STON1: variants seen among roughly 807,000 people sequenced by gnomAD.
The protein encoded by STON1 is stonin-1.
STON1 carries 79 observed loss-of-function variants against 60.9 expected under a neutral mutation model. The ratio of observed to expected loss-of-function variants is 1.30; its 90% CI spans 1.08 to 1.56. The LOEUF is 1.56. STON1 is among the 40% of genes most tolerant of loss of function. The pLI, the probability that STON1 is intolerant of heterozygous loss-of-function variation, is 0.00. For synonymous variants in STON1, 363 were observed against 306.9 expected (o/e 1.18, Z -1.91); for missense variants, 1,166 against 858.9 (o/e 1.36, Z -4.47).
chr2:48,595,057 G>C (rs527888324), intron 3 of STON1, among the ~76,000 whole-genome samples, 171 bp from the exon 4 acceptor site: 20 of 152,294 alleles, frequency 1.3e-4, no homozygotes, highest in Non-Finnish European at 2.5e-4. Context: ...TTGTTCAAAA[G>C]GAGAGCAGAG....
At chr2:48,584,203 G>T (rs1674067854) in intron 2 of STON1, among the ~76,000 whole-genome samples, 1 of 152,122 alleles carries the variant, frequency 6.6e-6, no homozygotes, top group African/African-American at 2.4e-5. Flanking sequence ...GCCCCTCCAG[G>T]CTGTGGACTT....
chr2:48,582,125 C>A lies in STON1; in HGVS notation c.1492C>A (p.Gln498Lys), dbSNP rs199643800. Residue 498 changes from glutamine (Q) to lysine (K), a missense_variant, in exon 2 of 4, where the codon CAA (glutamine) becomes AAA (lysine). Physicochemically the swap from Gln to Lys is moderately conservative, Grantham distance 53. Transcript: ENST00000404752. ...GTGTGTGAATGTACAAGAATTTGAG[C>A]AATCAAGAATCATTAAGTTTGTACC... is the stretch of plus-strand genomic sequence containing the variant. ...HKCVNVQEFE[Q>K]SRIIKFVPLD... is the part of the protein sequence containing the mutation. 5 of 1,614,176 alleles carry A rather than the reference C, an allele frequency of 3.1e-6. No homozygotes were observed. The highest frequency in any genetic ancestry group is 4.2e-6 in the Non-Finnish European group (5 of 1,180,024).
At chr2:48,575,993 G>C (rs560304507) in intron 1 of STON1, among the ~76,000 whole-genome samples, 1 of 151,096 alleles carries the variant, frequency 6.6e-6, no homozygotes, top group South Asian at 2.1e-4. Context: ...CCTGGTCTTA[G>C]GTGATCCACC....
At chr2:48,539,378 C>T (rs1436400584) in intron 1 of STON1, among the ~76,000 whole-genome samples, 1 of 152,116 alleles carries the variant, frequency 6.6e-6, no homozygotes, top group Non-Finnish European at 1.5e-5. Context: ...TTTCTAGCTA[C>T]TTGAATTCAT....
At chr2:48,530,585 G>T (rs1386977360) in intron 1 of STON1, 1 of 153,866 alleles carries the variant, frequency 6.5e-6, no homozygotes, top group African/African-American at 2.4e-5. Context: ...CTCGGACCCG[G>T]GCCACCAGCT....
intron 1 of STON1, among the ~76,000 whole-genome samples, chr2:48,541,940 G>A (rs1671672776): frequency 6.6e-6 from 1 of 152,144 alleles, no homozygotes; most frequent in Non-Finnish European, 1.5e-5. Flanking sequence ...TCCCAACCAT[G>A]CTGCTCCAGT....
rs547451410 is a variant in STON1 at position 48,555,142 on chromosome 2, T to G, written c.-48+24926T>G. ...TGTCTACTTCTTTCTACACAGACAC[T>G]GCAACCATCCGATTTCTCAATCTTT... is the stretch of plus-strand genomic sequence containing the variant. On this transcript the variant is annotated intron_variant, in intron 1 of 3. Coordinates refer to ENST00000404752, the MANE Select transcript of STON1 (RefSeq NM_006873.4). Among the ~76,000 whole-genome samples, 10 of 85,270 alleles carry G rather than the reference T, an allele frequency of 1.2e-4. No individual in the cohort carries two copies. The South Asian group carries it at 4.6e-3, about 39-fold the overall frequency. The allele number at this position is 85,270 out of a possible 152,430, so 55.9% of individuals were successfully genotyped here. A position where few individuals can be genotyped will look rare whatever the true frequency, so the allele number is the denominator to read the frequency against.
At chr2:48,560,989 T>C (rs565975965) in intron 1 of STON1, among the ~76,000 whole-genome samples, 293 of 152,352 alleles carry the variant, frequency 1.9e-3, no homozygotes, top group African/African-American at 6.6e-3. Context: ...CACCTCCTGG[T>C]TTCACCTTAG....
At chr2:48,574,498 TTCATGGTA>T (rs1220933774) in intron 1 of STON1, among the ~76,000 whole-genome samples, 2 of 152,180 alleles carry the variant, frequency 1.3e-5, no homozygotes, top group African/African-American at 4.8e-5. Flanking sequence ...AAAGGGTGAA[TTCATGGTA>T]TAAGAATTAT....
At chr2:48,548,020 CTT>C in intron 1 of STON1, among the ~76,000 whole-genome samples, 2 of 152,320 alleles carry the variant, frequency 1.3e-5, no homozygotes, top group Middle Eastern at 6.8e-3. Context: ...ATAGCCCTTC[CTT>C]TTGTGAAATG....
chr2:48,534,964 C>G (rs1323353245), intron 1 of STON1, among the ~76,000 whole-genome samples: 2 of 152,114 alleles, frequency 1.3e-5, no homozygotes, highest in Non-Finnish European at 2.9e-5. Flanking sequence ...AAGAAGAATC[C>G]CGAATTCCAT....
intron 1 of STON1, among the ~76,000 whole-genome samples, chr2:48,558,008 A>T (rs906082642): frequency 1.3e-5 from 2 of 152,210 alleles, no homozygotes; most frequent in Non-Finnish European, 1.5e-5. Context: ...GGATCACCTG[A>T]GGTCGGGAGT....
chr2:48,582,310 T>A lies in STON1; in HGVS notation c.1677T>A (p.Ala559=), dbSNP rs771332334. The part of the protein sequence containing the change: ...MASLAQRSSY[A]GSLRSCDNIR... Reference sequence around the variant, plus strand: ...CATTGGCGCAGAGGTCATCCTATGCTGGTTCCTTAAGGTCCTGTGACAATA... The same window carrying A: ...CATTGGCGCAGAGGTCATCCTATGCAGGTTCCTTAAGGTCCTGTGACAATA... Residue 559 remains alanine (A), a synonymous_variant, in exon 2 of 4, where the codon GCT becomes GCA. Coordinates refer to ENST00000404752, the MANE Select transcript of STON1 (RefSeq NM_006873.4). 8 of 1,614,252 alleles carry A rather than the reference T, an allele frequency of 5.0e-6. No individual in the cohort carries two copies. The highest frequency in any genetic ancestry group is 5.9e-6 in the Non-Finnish European group (7 of 1,180,046).
At chr2:48,540,954 T>C (rs1339674808) in intron 1 of STON1, among the ~76,000 whole-genome samples, 5 of 152,154 alleles carry the variant, frequency 3.3e-5, no homozygotes, top group Non-Finnish European at 5.9e-5. Flanking sequence ...AAAACATGGT[T>C]AGAGAGTTTT....
At position 48,589,438 on chromosome 2, in the gene STON1, C is replaced by T. The variant is rs533128144; in HGVS notation, c.1931-2215C>T. ...ATTAATTGGTGAATTTGAAAATAATCTGTTAAGCCCCAAACATGACAGACA... is the reference window on the plus strand; with the variant it reads ...ATTAATTGGTGAATTTGAAAATAATTTGTTAAGCCCCAAACATGACAGACA... On this transcript the variant is annotated intron_variant, in intron 2 of 3. Coordinates refer to ENST00000404752, the MANE Select transcript of STON1 (RefSeq NM_006873.4). Among the ~76,000 whole-genome samples the T allele has an allele frequency of 4.8e-4, 73 of 152,300 alleles. 2 individuals carry two copies. The South Asian group carries it at 9.1e-3, about 19-fold the overall frequency.
intron 1 of STON1, among the ~76,000 whole-genome samples, chr2:48,550,154 A>T (rs1351534508): frequency 1.3e-5 from 2 of 152,108 alleles, no homozygotes; most frequent in East Asian, 3.8e-4. Context: ...TTATTCAGTC[A>T]TTTATTCAGC....
At chr2:48,559,474 G>T (rs565829863) in intron 1 of STON1, among the ~76,000 whole-genome samples, 1 of 152,130 alleles carries the variant, frequency 6.6e-6, no homozygotes, top group East Asian at 1.9e-4. Context: ...CTGTTCATAA[G>T]GTCAGAGCCC....
chr2:48,582,713 GC>G (rs1299382162), intron 2 of STON1, 150 bp downstream of exon 2: 1 of 1,356,626 alleles, frequency 7.4e-7, no homozygotes, highest in Non-Finnish European at 9.8e-7. Flanking sequence ...TAGCTAAACA[GC>G]TGGTTTATTT....
At chr2:48,584,012 G>A (rs1173016009) in intron 2 of STON1, among the ~76,000 whole-genome samples, 3 of 152,040 alleles carry the variant, frequency 2.0e-5, no homozygotes, top group Non-Finnish European at 4.4e-5. Flanking sequence ...GCCTCCCATA[G>A]TGCTGGGATT....
Sources: allele counts gnomAD v4.1 joint callset (sites outside exome capture counted in the v4.1 genomes callset), GRCh38; gene constraint gnomAD v4.1.1; transcripts MANE v1.5; gene names NCBI Gene and HGNC (gene_info 2026-07-23, HGNC 2026-07-21).